The following ZNF695 variants were observed in gnomAD, a reference collection of about 807,000 sequenced individuals.
The protein encoded by ZNF695 is zinc finger protein 695, also known as zinc finger protein SBZF3.
ZNF695 carries 11 observed loss-of-function variants against 11.2 expected under a neutral mutation model. The observed-to-expected ratio is 0.98, with a 90% CI of 0.62 to 1.62. The LOEUF (loss-of-function observed/expected upper bound fraction) is 1.62, where lower values mean the gene tolerates loss of function less well. ZNF695 is among the 40% of genes most tolerant of loss of function. ZNF695 has a pLI of 0.00. For synonymous variants in ZNF695, 190 were observed against 201.4 expected (o/e 0.94, Z 0.48); for missense variants, 559 against 590.5 (o/e 0.95, Z 0.55).
intron 4 of ZNF695, among the ~76,000 whole-genome samples, chr1:246,971,074 A>C (rs925116485): frequency 6.6e-6 from 1 of 152,182 alleles, no homozygotes; most frequent in Non-Finnish European, 1.5e-5. Flanking sequence ...AGTGGCCCCG[A>C]ATGCATGGCT....
rs1207879079 is a variant in ZNF695, at chr1:246,985,553, C to T, written c.*1414G>A. The T allele has an allele frequency of 2.8e-5, 28 of 985,216 alleles. No individual in the cohort carries two copies. The highest frequency in any genetic ancestry group is 1.2e-4 in the Admixed American group (2 of 16,244). 61.0% of individuals were successfully genotyped at this position (985,216 alleles called of 1,614,324 possible). ...CCGTAACTAAGGTGAGATAGGTTAA[C>T]GTTGGTGGTAGGATACGCATCACTT... On this transcript the variant is annotated 3_prime_UTR_variant, in exon 4 of 4. Coordinates refer to ENST00000339986, the MANE Select transcript of ZNF695 (RefSeq NM_020394.5).
chr1:246,970,698 T>G (rs1220826233), intron 4 of ZNF695, among the ~76,000 whole-genome samples: 1 of 152,236 alleles, frequency 6.6e-6, no homozygotes, highest in African/African-American at 2.4e-5. Flanking sequence ...GGAGAGCCCT[T>G]GTTGAAGACT....
intron 5 of ZNF695, among the ~76,000 whole-genome samples, chr1:246,964,698 T>C (rs1217139035): frequency 1.3e-5 from 2 of 151,950 alleles, no homozygotes; most frequent in Non-Finnish European, 2.9e-5. Flanking sequence ...TGGTGAGACC[T>C]CATCTCTACT....
chr1:246,949,885 C>T (rs191708420), intron 5 of ZNF695, among the ~76,000 whole-genome samples: 1 of 152,210 alleles, frequency 6.6e-6, no homozygotes, highest in Admixed American at 6.5e-5. Flanking sequence ...TAAATATAAT[C>T]GTATAAAAGT....
intron 1 of ZNF695, among the ~76,000 whole-genome samples, chr1:247,002,973 G>A (rs1488678429): frequency 6.6e-6 from 1 of 152,284 alleles, no homozygotes; most frequent in East Asian, 1.9e-4. Context: ...AATAACAGAT[G>A]CCAACGAGGT....
At chr1:246,999,794 T>G (rs1400894240) in intron 2 of ZNF695, 118 bp downstream of exon 2, 5 of 1,035,860 alleles carry the variant, frequency 4.8e-6, no homozygotes, top group Non-Finnish European at 7.0e-6. Context: ...CTTGAAAGTT[T>G]TGTTTTCTAC....
intron 3 of ZNF695, among the ~76,000 whole-genome samples, chr1:246,989,176 A>T (rs1442172670): frequency 6.6e-6 from 1 of 151,852 alleles, no homozygotes; most frequent in African/African-American, 2.4e-5. Flanking sequence ...GAGGCAGGAG[A>T]ATCGCTTGAA....
At chr1:246,984,618 C>T (rs888514187), downstream of ZNF695, among the ~76,000 whole-genome samples, 5 of 152,156 alleles carry the variant, frequency 3.3e-5, no homozygotes, top group South Asian at 2.1e-4. Flanking sequence ...CTTATAAAGC[C>T]TCCAAAGTGT....
intron 4 of ZNF695, among the ~76,000 whole-genome samples, chr1:246,977,777 C>G (rs967583631): frequency 1.3e-5 from 2 of 152,190 alleles, no homozygotes; most frequent in Non-Finnish European, 2.9e-5. Flanking sequence ...TGTACTCTTA[C>G]GTACTTGGGC....
In ZNF695 at chr1:246,976,636, T is replaced by C. The variant is rs1489877188; in HGVS notation, c.391-8844A>G. Among the ~76,000 whole-genome samples the C allele has an allele frequency of 1.7e-3, 259 of 151,352 alleles. 6 individuals carry two copies. Among genetic ancestry groups the C allele is most frequent in the Non-Finnish European group, 1.5e-4 (10 of 67,862 alleles). On this transcript the variant is annotated intron_variant, in intron 4 of 5. Coordinates refer to the ZNF695 transcript ENST00000487338. ...GGTGAAACCCCGTCTCTACTAAAAA[T>C]ACAAAAAATTAGCCAGGCATGGTGG...
At chr1:246,980,381 T>C (rs1442449034), downstream of ZNF695, among the ~76,000 whole-genome samples, 2 of 150,866 alleles carry the variant, frequency 1.3e-5, no homozygotes, top group Admixed American at 6.7e-5. Context: ...AAAGCAGTAA[T>C]GAAATATGCA....
At chr1:246,951,827 T>C (rs1174735715) in intron 5 of ZNF695, among the ~76,000 whole-genome samples, 2 of 152,208 alleles carry the variant, frequency 1.3e-5, no homozygotes. Context: ...CCATAGGCTT[T>C]GTCAAAGAGG....
chr1:246,947,140 A>ATC (rs1343107319), intron 5 of ZNF695, among the ~76,000 whole-genome samples: 2,790 of 146,020 alleles, frequency 0.019, 57 homozygotes, highest in East Asian at 0.056. Flanking sequence ...ACTCCGTCAA[A>ATC]AAAAAAAAAA....
chr1:246,947,021 T>C (rs1485421855), intron 5 of ZNF695, among the ~76,000 whole-genome samples: 3 of 151,914 alleles, frequency 2.0e-5, no homozygotes, highest in Non-Finnish European at 4.4e-5. Context: ...GCGCCTGTAG[T>C]TCCAGCTACT....
At chr1:247,003,625 T>G (rs12122833) in intron 1 of ZNF695, among the ~76,000 whole-genome samples, 1 of 152,118 alleles carries the variant, frequency 6.6e-6, no homozygotes. Context: ...AATAAATAAA[T>G]TGTAAATAAA....
At chr1:247,006,889 C>T (rs1669555957) in intron 1 of ZNF695, among the ~76,000 whole-genome samples, 1 of 152,186 alleles carries the variant, frequency 6.6e-6, no homozygotes, top group Non-Finnish European at 1.5e-5. Context: ...GGGATTCTAT[C>T]TAAGGAATCC....
intron 5 of ZNF695, among the ~76,000 whole-genome samples, chr1:246,959,303 A>AT (rs1668093265): frequency 1.4e-5 from 1 of 69,344 alleles, no homozygotes; most frequent in Non-Finnish European, 2.7e-5. Context: ...AAAAAAAAAA[A>AT]AAAAAAAATA....
At chr1:246,945,589 C>G, downstream of ZNF695, 1 of 555,752 alleles carries the variant, frequency 1.8e-6, no homozygotes, top group East Asian at 3.0e-5. Flanking sequence ...TTAGGACAAC[C>G]AAATGAAAAG....
At chr1:247,000,194 A>T in intron 1 of ZNF695, 120 bp from the exon 2 acceptor site, 1 of 858,038 alleles carries the variant, frequency 1.2e-6, no homozygotes, top group Non-Finnish European at 1.7e-6. Flanking sequence ...ATTATCAAAT[A>T]AGATAATTTT....
Sources: allele counts gnomAD v4.1 joint callset (sites outside exome capture counted in the v4.1 genomes callset), GRCh38; gene constraint gnomAD v4.1.1; transcripts MANE v1.5; gene names NCBI Gene and HGNC (gene_info 2026-07-23, HGNC 2026-07-21).